The following GNA12 variants were observed in gnomAD, a reference collection of about 807,000 sequenced individuals.
GNA12 encodes the protein guanine nucleotide-binding protein subunit alpha-12.
In GNA12, 9 loss-of-function variants were observed where a neutral mutation model predicts 26.0. The observed-to-expected ratio is 0.35, with a 90% CI of 0.21 to 0.60. The LOEUF (loss-of-function observed/expected upper bound fraction) is 0.60, where lower values mean the gene tolerates loss of function less well. Among genes scored for constraint, GNA12 ranks in the 20% least tolerant of loss-of-function variants. The probability of loss-of-function intolerance (pLI) is 0.78; values close to 1 mark genes in which losing one functional copy is unlikely to be tolerated. For missense variants in GNA12, 405 were observed against 525.8 expected, an observed-to-expected ratio of 0.77 and a Z score of 2.25; for synonymous variants, 264 against 219.6, an observed-to-expected ratio of 1.20 and a Z score of -1.79.
intron 2 of GNA12, among the ~76,000 whole-genome samples, chr7:2,737,439 C>G (rs1583212938): frequency 6.6e-6 from 1 of 152,002 alleles, no homozygotes; most frequent in South Asian, 2.1e-4. Flanking sequence ...CAGGCGTGCA[C>G]TACCACACCC....
At chr7:2,763,391 A>T (rs1370223200) in intron 2 of GNA12, 1 of 152,836 alleles carries the variant, frequency 6.5e-6, no homozygotes, top group East Asian at 1.9e-4. Flanking sequence ...GTTCCAGCTC[A>T]GGGAGCCCAC....
chr7:2,756,988 C>T (rs1583245191), intron 2 of GNA12, among the ~76,000 whole-genome samples: 1 of 152,082 alleles, frequency 6.6e-6, no homozygotes, highest in Admixed American at 6.5e-5. Flanking sequence ...GTGGAAGGTT[C>T]TCTTGAGCTG....
chr7:2,739,019 G>A (rs1790361664), intron 2 of GNA12, among the ~76,000 whole-genome samples: 1 of 152,176 alleles, frequency 6.6e-6, no homozygotes, highest in Non-Finnish European at 1.5e-5. Flanking sequence ...GAGCTGCACA[G>A]GGTCCTTGGC....
intron 2 of GNA12, among the ~76,000 whole-genome samples, chr7:2,758,552 T>C (rs1454277176): frequency 6.6e-6 from 1 of 152,116 alleles, no homozygotes; most frequent in Non-Finnish European, 1.5e-5. Context: ...TGGGCGACTT[T>C]CAGCTAAGCC....
intron 2 of GNA12, among the ~76,000 whole-genome samples, chr7:2,781,842 C>T (rs775028497): frequency 7.9e-5 from 12 of 152,186 alleles, no homozygotes; most frequent in South Asian, 2.1e-4. Context: ...CTCAAGGGAA[C>T]GCAAATCAAA....
chr7:2,842,396 T>C (rs1636248), intron 1 of GNA12, among the ~76,000 whole-genome samples: 61,851 of 151,882 alleles, frequency 0.41, 12,691 homozygotes, highest in Admixed American at 0.46. Context: ...CCTCCCAGGC[T>C]CAACCAATTC....
intron 1 of GNA12, among the ~76,000 whole-genome samples, chr7:2,802,958 G>A (rs1210547046): frequency 3.3e-5 from 5 of 152,162 alleles, no homozygotes; most frequent in Non-Finnish European, 5.9e-5. Flanking sequence ...CCATAACTCC[G>A]CGGATTTGCC....
intron 2 of GNA12, among the ~76,000 whole-genome samples, chr7:2,743,120 G>A (rs1017667827): frequency 2.6e-4 from 40 of 152,224 alleles, no homozygotes; most frequent in Non-Finnish European, 4.6e-4. Context: ...AAGAGTCAGT[G>A]AGGGAGACCT....
intron 2 of GNA12, among the ~76,000 whole-genome samples, chr7:2,752,345 T>C (rs148101175): frequency 1.5e-3 from 222 of 152,334 alleles, no homozygotes; most frequent in African/African-American, 4.9e-3. Context: ...TAAGTCATGG[T>C]GGACCACTGA....
At chr7:2,835,715 G>A in intron 1 of GNA12, 1 of 955,654 alleles carries the variant, frequency 1.0e-6, no homozygotes, top group Non-Finnish European at 1.7e-6. Flanking sequence ...AATACAAGTA[G>A]AATCACAGAG....
At chr7:2,771,943 T>C (rs1382935409) in intron 2 of GNA12, among the ~76,000 whole-genome samples, 1 of 152,024 alleles carries the variant, frequency 6.6e-6, no homozygotes, top group Non-Finnish European at 1.5e-5. Flanking sequence ...GTGCCTTGGG[T>C]GGTCGCCTTC....
chr7:2,765,151 T>G (rs1791750451), intron 2 of GNA12: 1 of 131,682 alleles, frequency 7.6e-6, no homozygotes, highest in African/African-American at 3.1e-5. Flanking sequence ...ACAGGCTGAC[T>G]TTTTTTTTTT....
At chr7:2,800,245 T>C (rs749900821) in intron 1 of GNA12, among the ~76,000 whole-genome samples, 1 of 152,228 alleles carries the variant, frequency 6.6e-6, no homozygotes, top group Non-Finnish European at 1.5e-5. Context: ...TCACGCACTA[T>C]GCGATTCTGT....
At chr7:2,735,908 G>C (rs798526) in intron 2 of GNA12, among the ~76,000 whole-genome samples, 42,176 of 151,794 alleles carry the variant, frequency 0.28, 6,067 homozygotes, top group Non-Finnish European at 0.3. Flanking sequence ...GGAAGAAGGG[G>C]ACACAGAGCA....
chr7:2,776,476 AAAC>A (rs1792079934), intron 2 of GNA12, among the ~76,000 whole-genome samples: 1 of 152,212 alleles, frequency 6.6e-6, no homozygotes, highest in African/African-American at 2.4e-5. Flanking sequence ...CGGGGAGTTA[AAAC>A]CCTGGCTAAG....
chr7:2,772,151 C>T (rs1157601577), intron 2 of GNA12, among the ~76,000 whole-genome samples: 3 of 152,322 alleles, frequency 2.0e-5, no homozygotes, highest in African/African-American at 7.2e-5. Context: ...TCCGGATAAT[C>T]TGACAAAGGA....
At chr7:2,754,470 C>T (rs916130360) in intron 2 of GNA12, among the ~76,000 whole-genome samples, 3 of 151,930 alleles carry the variant, frequency 2.0e-5, no homozygotes, top group Admixed American at 6.6e-5. Flanking sequence ...GGGCAGGGCA[C>T]GGTGGCTCAC....
intron 2 of GNA12, among the ~76,000 whole-genome samples, chr7:2,782,828 T>C (rs1033366242): frequency 5.9e-5 from 9 of 152,188 alleles, no homozygotes; most frequent in African/African-American, 2.2e-4. Flanking sequence ...TGACCTTTTA[T>C]ATTCTCCCTT....
chr7:2,839,733 G>T (rs1245757044), intron 1 of GNA12, among the ~76,000 whole-genome samples: 6 of 152,204 alleles, frequency 3.9e-5, no homozygotes, highest in Non-Finnish European at 8.8e-5. Context: ...CAGAGGCGGG[G>T]CACGGCGTCT....
Sources: allele counts gnomAD v4.1 joint callset (sites outside exome capture counted in the v4.1 genomes callset), GRCh38; gene constraint gnomAD v4.1.1; transcripts MANE v1.5; gene names NCBI Gene and HGNC (gene_info 2026-07-23, HGNC 2026-07-21).